Variants in LAMA3 observed in about 807,000 individuals in gnomAD.
The protein encoded by LAMA3 is laminin subunit alpha 3.
LAMA3 carries 281 observed loss-of-function variants against 402.0 expected under a neutral mutation model. The ratio of observed to expected loss-of-function variants is 0.70; its 90% CI spans 0.63 to 0.77. The LOEUF (loss-of-function observed/expected upper bound fraction) is 0.77, where lower values mean the gene tolerates loss of function less well. Ranked by LOEUF, LAMA3 falls within the 30% of genes least tolerant of loss-of-function variation. LAMA3 has a pLI of 0.00. For synonymous variants in LAMA3, 1,431 were observed against 1,558.4 expected (o/e 0.92, Z 1.93); for missense variants, 3,840 against 4,215.5 (o/e 0.91, Z 2.47).
chr18:23,871,405 C>A, intron 37 of LAMA3, 26 bp from the exon 38 acceptor site: 1 of 1,604,036 alleles, frequency 6.2e-7, no homozygotes, highest in Non-Finnish European at 8.5e-7. Flanking sequence ...CTAAGGAAGA[C>A]CCTGACTTTC....
intron 23 of LAMA3, among the ~76,000 whole-genome samples, chr18:23,832,207 GT>G (rs2063501641): frequency 6.6e-6 from 1 of 152,184 alleles, no homozygotes; most frequent in South Asian, 2.1e-4. Context: ...TGAGTGTTTT[GT>G]GGTGGGGTAA....
In LAMA3 at chr18:23,815,466, A is replaced by G. The variant is rs1555700119; in HGVS notation, c.1942-2A>G. On this transcript the variant is annotated splice_acceptor_variant, in intron 16 of 74. Coordinates refer to ENST00000313654, the MANE Select transcript of LAMA3 (RefSeq NM_198129.4). LOFTEE classifies it high-confidence loss of function. Reference sequence around the variant, plus strand: ...GTTGTCATCTGGCTCACTGTTCTGCAGGGAGATGGTGACTGTCACTGCAAG... The same window carrying G: ...GTTGTCATCTGGCTCACTGTTCTGCGGGGAGATGGTGACTGTCACTGCAAG... The G allele has an allele frequency of 6.2e-7, 1 of 1,610,898 alleles. No homozygotes were observed. The highest frequency in any genetic ancestry group is 8.5e-7 in the Non-Finnish European group (1 of 1,177,030).
intron 67 of LAMA3, 60 bp downstream of exon 67, chr18:23,933,995 C>T (rs2082241311): frequency 3.9e-6 from 6 of 1,543,210 alleles, no homozygotes; most frequent in Non-Finnish European, 5.4e-6. Context: ...CCTGAGCCTG[C>T]CTTGTGGGAG....
In LAMA3 at chr18:23,773,521, G is replaced by A. The variant is rs1598762433; in HGVS notation, c.1207G>A (p.Glu403Lys). 6.3e-7 allele frequency: 1 copy of A among 1,599,692 alleles called. No homozygotes were observed. Among genetic ancestry groups the A allele is most frequent in the Non-Finnish European group, 8.5e-7 (1 of 1,171,108 alleles). Reference sequence around the variant, plus strand: ...GCACAACACAGCTGGAGTAAACTGTGAACAGTGTGCTAAGGGCTATTACCG... The same window carrying A: ...GCACAACACAGCTGGAGTAAACTGTAAACAGTGTGCTAAGGGCTATTACCG... Reference protein sequence around the residue: ...CQHNTAGVNCEQCAKGYYRPY... With the variant: ...CQHNTAGVNCKQCAKGYYRPY... The change falls in exon 9 of 75, where the codon GAA (glutamate) becomes AAA (lysine). Residue 403 changes from glutamate (E) to lysine (K), a missense_variant. Around this residue, in one of 3 missense-constraint regions of LAMA3, gnomAD observed 2,109 missense variants for 2,376.0 expected, o/e 0.89. Coordinates refer to ENST00000313654, the MANE Select transcript of LAMA3 (RefSeq NM_198129.4).
In LAMA3 at chr18:23,833,853, T is replaced by C. The variant is rs2063531372; in HGVS notation, c.2849T>C (p.Ile950Thr). Reference sequence around the variant, plus strand: ...GTGGAATTGCATCTGCGGCTGCGCATCCCACAGGTTGGCCACTACGTGGTT... The same window carrying C: ...GTGGAATTGCATCTGCGGCTGCGCACCCCACAGGTTGGCCACTACGTGGTT... The part of the protein sequence containing the change: ...REVELHLRLR[I>T]PQVGHYVVVV... The change falls in exon 24 of 75, where the codon ATC becomes ACC. Residue 950 changes from isoleucine (I) to threonine (T), a missense_variant. Physicochemically the swap from Ile to Thr is moderately conservative, Grantham distance 89. Transcript: ENST00000313654. The C allele has an allele frequency of 1.9e-6, 3 of 1,613,670 alleles. No individual in the cohort carries two copies. Among genetic ancestry groups the C allele is most frequent in the Non-Finnish European group, 1.7e-6 (2 of 1,180,036 alleles).
chr18:23,842,307 A>T (rs2063718764), intron 27 of LAMA3, 88 bp from the exon 28 acceptor site: 2 of 1,543,234 alleles, frequency 1.3e-6, no homozygotes, highest in Admixed American at 3.4e-5. Context: ...TTTGTTTTTT[A>T]ACCTTTGAAT....
intron 32 of LAMA3, among the ~76,000 whole-genome samples, chr18:23,853,642 C>G (rs1417395375): frequency 6.6e-6 from 1 of 152,192 alleles, no homozygotes; most frequent in Non-Finnish European, 1.5e-5. Flanking sequence ...GGCAAGCACC[C>G]ACCCATGCCC....
At position 23,907,762 on chromosome 18, in the gene LAMA3, T is replaced by C. The variant is rs1048271372; in HGVS notation, c.6842T>C (p.Ile2281Thr). 6.2e-7 allele frequency: 1 copy of C among 1,614,164 alleles called. No individual in the cohort carries two copies. The highest frequency in any genetic ancestry group is 8.5e-7 in the Non-Finnish European group (1 of 1,180,000). The change falls in exon 54 of 75, where the codon ATT becomes ACT. Residue 2281 changes from isoleucine (I) to threonine (T), a missense_variant. Coordinates refer to ENST00000313654, the MANE Select transcript of LAMA3 (RefSeq NM_198129.4). ...DGLHGIQRGD[I>T]DAMISSAKSM... ...CTATCTGTGTGTGCATTAGGTGATA[T>C]TGATGCTATGATCAGTAGTGCAAAG...
intron 21 of LAMA3, among the ~76,000 whole-genome samples, chr18:23,825,726 C>T (rs539839929): frequency 1.5e-4 from 23 of 151,754 alleles, no homozygotes; most frequent in Non-Finnish European, 2.6e-4. Flanking sequence ...ATACTAGTAA[C>T]GGGTACAAAG....
Position 23,748,157 on chromosome 18 carries a change from G to T in LAMA3, c.565+97G>T, listed in dbSNP as rs2143529178. On this transcript the variant is annotated intron_variant, in intron 3 of 74. Transcript: ENST00000313654. Reference sequence around the variant, plus strand: ...TAGAAAATTAATCTTGGCTGGGTGTGGTGGCTCACCCCTATAATCCCAGCA... The same window carrying T: ...TAGAAAATTAATCTTGGCTGGGTGTTGTGGCTCACCCCTATAATCCCAGCA... 3 of 865,112 alleles carry T rather than the reference G, an allele frequency of 3.5e-6. No homozygotes were observed. The East Asian group carries it at 7.5e-5, about 22-fold the overall frequency. The allele number at this position is 865,112 out of a possible 1,614,324, so 53.6% of individuals were successfully genotyped here.
At chr18:23,768,680 A>G (rs1023615186) in intron 8 of LAMA3, among the ~76,000 whole-genome samples, 9 of 152,360 alleles carry the variant, frequency 5.9e-5, no homozygotes, top group African/African-American at 2.2e-4. Context: ...AAAAGGTCAC[A>G]TGCACTCATA....
intron 8 of LAMA3, among the ~76,000 whole-genome samples, chr18:23,770,592 TC>T (rs2062175719): frequency 6.6e-6 from 1 of 151,994 alleles, no homozygotes; most frequent in Admixed American, 6.6e-5. Flanking sequence ...AAACCCTGAC[TC>T]TACTAAAAAT....
chr18:23,718,693 G>A (rs750204210), intron 2 of LAMA3, among the ~76,000 whole-genome samples: 15 of 152,286 alleles, frequency 9.8e-5, no homozygotes, highest in South Asian at 2.1e-4. Flanking sequence ...TTTGGGCCTC[G>A]TAGAGGCAAA....
At chr18:23,695,389 G>T (rs1467768033) in intron 1 of LAMA3, among the ~76,000 whole-genome samples, 2 of 152,198 alleles carry the variant, frequency 1.3e-5, no homozygotes, top group Non-Finnish European at 2.9e-5. Flanking sequence ...GCAGAGAGGG[G>T]ACCCTGCATG....
At chr18:23,734,640 T>G (rs539429774) in intron 2 of LAMA3, among the ~76,000 whole-genome samples, 18 of 152,294 alleles carry the variant, frequency 1.2e-4, no homozygotes, top group African/African-American at 4.1e-4. Context: ...AAGCAAAGAT[T>G]TCCTTTTAGA....
In LAMA3 at chr18:23,944,872, T is replaced by C. The variant is rs186476926; in HGVS notation, c.9210+901T>C. Among the ~76,000 whole-genome samples, 21 of 152,320 alleles carry C rather than the reference T, an allele frequency of 1.4e-4. 1 individual carries two copies. Among genetic ancestry groups the C allele is most frequent in the Admixed American group, 4.6e-4 (7 of 15,292 alleles). On this transcript the variant is annotated intron_variant, in intron 69 of 74. Coordinates refer to ENST00000313654, the MANE Select transcript of LAMA3 (RefSeq NM_198129.4). ...ACTCTTGGCCAGGCGCGGTGGCTCA[T>C]GCCTGTAATCCCAGCACTTTGGGAG...
chr18:23,904,054 G>T lies in LAMA3; in HGVS notation c.6440G>T (p.Arg2147Leu), dbSNP rs201023601. 81 of 1,613,958 alleles carry T rather than the reference G, an allele frequency of 5.0e-5. No homozygotes were observed. The African/African-American group carries it at 9.1e-4, about 18-fold the overall frequency. ...SLVEEAEKHA[R>L]SLQELAKQLE... ...GTGGAGGAGGCAGAAAAGCACGCGCGGTCCTTACAAGAGCTGGCAAAGCAG... is the reference window on the plus strand; with the variant it reads ...GTGGAGGAGGCAGAAAAGCACGCGCTGTCCTTACAAGAGCTGGCAAAGCAG... Residue 2147 changes from arginine to leucine, a missense_variant, in exon 50 of 75, where the codon CGG (arginine) becomes CTG (leucine). Transcript: ENST00000313654.
At chr18:23,924,531 A>G (rs190504408) in intron 62 of LAMA3, among the ~76,000 whole-genome samples, 92 of 130,772 alleles carry the variant, frequency 7.0e-4, no homozygotes, top group African/African-American at 2.1e-3. Flanking sequence ...TTATACTTTG[A>G]CCTTTTTTTT....
At chr18:23,821,409 A>G (rs1355044597) in intron 19 of LAMA3, among the ~76,000 whole-genome samples, 1 of 152,200 alleles carries the variant, frequency 6.6e-6, no homozygotes. Flanking sequence ...TATTGTCACC[A>G]ATATCTCGCT....
Sources: gnomAD v4.1 joint callset for allele counts (sites outside exome capture counted in the v4.1 genomes callset) on GRCh38, gnomAD v4.1.1 for gene constraint, gnomAD v4.1.1 regional missense constraint, MANE v1.5 for transcripts, NCBI Gene and HGNC (gene_info 2026-07-23, HGNC 2026-07-21) for gene names.